GRID2: variants seen among roughly 807,000 people sequenced by gnomAD.
GRID2 encodes glutamate receptor ionotropic, delta-2.
A neutral mutation model predicts 114.8 loss-of-function variants in GRID2; 33 were observed. That is an observed-to-expected ratio of 0.29 (90% CI 0.22 to 0.38). The LOEUF (loss-of-function observed/expected upper bound fraction) is 0.38. Ranked by LOEUF, GRID2 falls within the 10% of genes least tolerant of loss-of-function variation. GRID2 has a pLI of 1.00. For synonymous variants in GRID2, 505 were observed against 449.9 expected (o/e 1.12, Z -1.55); for missense variants, 1,184 against 1,257.7 (o/e 0.94, Z 0.89).
intron 8 of GRID2, among the ~76,000 whole-genome samples, chr4:93,381,369 C>T (rs1303479206): frequency 6.6e-6 from 1 of 152,082 alleles, no homozygotes; most frequent in Non-Finnish European, 1.5e-5. Flanking sequence ...AGCATAATGT[C>T]CTCAAGGTTC....
intron 8 of GRID2, among the ~76,000 whole-genome samples, chr4:93,281,135 G>A (rs1417706966): frequency 6.6e-6 from 1 of 151,878 alleles, no homozygotes; most frequent in Non-Finnish European, 1.5e-5. Flanking sequence ...AATAATAAAT[G>A]AGGGGCATGG....
chr4:92,456,529 A>G (rs532495252), intron 1 of GRID2, among the ~76,000 whole-genome samples: 1 of 152,254 alleles, frequency 6.6e-6, no homozygotes, highest in South Asian at 2.1e-4. Context: ...TACACTAGGT[A>G]GTGTAGAGGA....
At chr4:93,678,042 G>A (rs994740637) in intron 14 of GRID2, among the ~76,000 whole-genome samples, 2 of 152,100 alleles carry the variant, frequency 1.3e-5, no homozygotes, top group African/African-American at 4.8e-5. Flanking sequence ...AAATTTAGAC[G>A]AATGGATAAC....
At chr4:93,465,628 A>G (rs1401541637) in intron 11 of GRID2, among the ~76,000 whole-genome samples, 11 of 152,162 alleles carry the variant, frequency 7.2e-5, no homozygotes, top group Non-Finnish European at 1.6e-4. Flanking sequence ...ACAGAACATT[A>G]TAGTTATTTT....
chr4:92,544,061 C>T (rs946562035), intron 1 of GRID2, among the ~76,000 whole-genome samples: 2 of 152,076 alleles, frequency 1.3e-5, no homozygotes, highest in Admixed American at 6.6e-5. Context: ...TGAGAGCAGA[C>T]ATGTTGCACA....
chr4:93,444,144 G>GA (rs1358162399), intron 10 of GRID2, among the ~76,000 whole-genome samples: 1 of 151,924 alleles, frequency 6.6e-6, no homozygotes, highest in Non-Finnish European at 1.5e-5. Context: ...AAACTCAGGT[G>GA]AAAATACATT....
chr4:92,588,932 G>C (rs1291925211), intron 1 of GRID2, among the ~76,000 whole-genome samples: 1 of 151,610 alleles, frequency 6.6e-6, no homozygotes, highest in Admixed American at 6.6e-5. Flanking sequence ...GTGAAATCCC[G>C]TCTCTACTAA....
At chr4:93,375,809 G>A (rs1330070332) in intron 8 of GRID2, among the ~76,000 whole-genome samples, 3 of 152,116 alleles carry the variant, frequency 2.0e-5, no homozygotes, top group African/African-American at 7.2e-5. Context: ...AAGAAGAAAT[G>A]GTAAAAGTAA....
intron 1 of GRID2, among the ~76,000 whole-genome samples, chr4:92,578,471 A>AT (rs2149199974): frequency 6.6e-6 from 1 of 152,064 alleles, no homozygotes; most frequent in South Asian, 2.1e-4. Flanking sequence ...TTAAAATGGA[A>AT]TTATTAAAAG....
intron 4 of GRID2, among the ~76,000 whole-genome samples, chr4:93,143,884 AT>A (rs997381552): frequency 7.9e-5 from 12 of 151,624 alleles, no homozygotes; most frequent in South Asian, 2.1e-4. Flanking sequence ...GTTCTAAGTG[AT>A]TTTTTTTTCT....
chr4:93,108,643 T>C (rs1458854155), intron 3 of GRID2, among the ~76,000 whole-genome samples: 2 of 151,616 alleles, frequency 1.3e-5, no homozygotes, highest in African/African-American at 4.8e-5. Context: ...TTCTTTTTTT[T>C]TTTTTGAGAT....
chr4:93,404,277 G>A (rs999331862), intron 9 of GRID2, among the ~76,000 whole-genome samples: 5 of 152,104 alleles, frequency 3.3e-5, no homozygotes, highest in Non-Finnish European at 7.4e-5. Flanking sequence ...GCATTTTTGA[G>A]GGGGAGCTGG....
intron 7 of GRID2, among the ~76,000 whole-genome samples, chr4:93,227,090 G>T (rs1745569018): frequency 6.6e-6 from 1 of 152,106 alleles, no homozygotes; most frequent in African/African-American, 2.4e-5. Context: ...GAGACTGTGA[G>T]GGCAGCAGCA....
chr4:93,374,723 A>G (rs1763220054), intron 8 of GRID2, among the ~76,000 whole-genome samples: 1 of 152,192 alleles, frequency 6.6e-6, no homozygotes, highest in Non-Finnish European at 1.5e-5. Context: ...TTCCTAGAAG[A>G]TAAAATCATA....
chr4:93,579,358 C>T (rs896821462), intron 13 of GRID2, among the ~76,000 whole-genome samples: 4 of 152,014 alleles, frequency 2.6e-5, no homozygotes, highest in Non-Finnish European at 5.9e-5. Flanking sequence ...TATTGACAGC[C>T]CAATAGGTGA....
At chr4:93,292,672 A>G (rs1753872872) in intron 8 of GRID2, among the ~76,000 whole-genome samples, 1 of 152,164 alleles carries the variant, frequency 6.6e-6, no homozygotes, top group African/African-American at 2.4e-5. Context: ...CTTAAGTTAT[A>G]AATTTTAAAA....
intron 2 of GRID2, among the ~76,000 whole-genome samples, chr4:92,724,455 T>TA (rs1293907244): frequency 6.6e-6 from 1 of 152,230 alleles, no homozygotes. Context: ...AAACTATTTT[T>TA]AAAAAAAGTT....
rs533627403 is a variant in GRID2 at position 93,323,470 on chromosome 4, T to C, written c.1246-72137T>C. Among the ~76,000 whole-genome samples, 6 of 152,300 alleles carry C rather than the reference T, an allele frequency of 3.9e-5. No individual in the cohort carries two copies. The East Asian group carries it at 7.7e-4, about 20-fold the overall frequency. Reference sequence around the variant, plus strand: ...TGTAGCCTTGTAGTATAGTTTGAAGTCAGGTAGTGTGATGCCTCCAGCTTT... The same window carrying C: ...TGTAGCCTTGTAGTATAGTTTGAAGCCAGGTAGTGTGATGCCTCCAGCTTT... On this transcript the variant is annotated intron_variant, in intron 8 of 15. Transcript: ENST00000282020.
At chr4:92,746,325 T>C (rs1411348839) in intron 2 of GRID2, among the ~76,000 whole-genome samples, 2 of 152,128 alleles carry the variant, frequency 1.3e-5, no homozygotes, top group Non-Finnish European at 2.9e-5. Context: ...AAAATATATT[T>C]ATTGTGACAG....
Sources: gnomAD v4.1 joint callset for allele counts (sites outside exome capture counted in the v4.1 genomes callset) on GRCh38, gnomAD v4.1.1 for gene constraint, MANE v1.5 for transcripts, NCBI Gene and HGNC (gene_info 2026-07-23, HGNC 2026-07-21) for gene names.